RFTN1: variants seen among roughly 807,000 people sequenced by gnomAD.
The protein encoded by RFTN1 is raftlin, lipid raft linker 1.
A neutral mutation model predicts 46.5 loss-of-function variants in RFTN1; 26 were observed. The ratio of observed to expected loss-of-function variants is 0.56; its 90% CI spans 0.41 to 0.78. RFTN1 has a LOEUF of 0.78. Ranked by LOEUF, RFTN1 falls within the 30% of genes least tolerant of loss-of-function variation. The pLI, the probability that RFTN1 is intolerant of heterozygous loss-of-function variation, is 0.00. For synonymous variants in RFTN1, 261 were observed against 284.2 expected, an observed-to-expected ratio of 0.92 and a Z score of 0.82; for missense variants, 693 against 718.7, an observed-to-expected ratio of 0.96 and a Z score of 0.41.
rs1317410853 is a variant in RFTN1, at chr3:16,500,136, TA to T, written c.-8-6260del. 6.6e-6 allele frequency among the ~76,000 whole-genome samples: 1 copy of T among 152,192 alleles called. No homozygotes were observed. The highest frequency in any genetic ancestry group is 1.5e-5 in the Non-Finnish European group (1 of 68,042). ...GCTTGTTTTTGTAAAAAACACATGC[TA>T]AAAGTCACCTGTGTCTAGTGAGACT... On this transcript the variant is annotated intron_variant, in intron 1 of 9. Transcript: ENST00000334133. This position sits in a 1 kb window ranked among gnomAD's most constrained non-coding sequence, Gnocchi z 5.9.
chr3:16,441,299 T>TAAAAAAAAAAAAAAAAAAAAAGAAAAAA (rs2075619391), intron 2 of RFTN1, among the ~76,000 whole-genome samples: 1 of 47,554 alleles, frequency 2.1e-5, no homozygotes, highest in Admixed American at 2.1e-4. Flanking sequence ...TTCCAAGAAC[T>TAAAAAAAAAAAAAAAAAAAAAGAAAAAA]AAAAAAAAAA....
chr3:16,352,283 C>T lies in RFTN1; in HGVS notation c.1146+5649G>A, dbSNP rs1172949868. Among the ~76,000 whole-genome samples, 1 of 152,166 alleles carries T rather than the reference C, an allele frequency of 6.6e-6. No homozygotes were observed. Among genetic ancestry groups the T allele is most frequent in the African/African-American group, 2.4e-5 (1 of 41,426 alleles). On this transcript the variant is annotated intron_variant, in intron 7 of 9. Coordinates refer to ENST00000334133, the MANE Select transcript of RFTN1 (RefSeq NM_015150.2). The surrounding 1 kb of genome is among the most constrained non-coding windows in gnomAD (Gnocchi z 4.6). The stretch of plus-strand genomic sequence containing the variant: ...GATAAACATGGAAAAGGCTCTATGG[C>T]TCAGGTAGCACCTGGTGGTGTCTAT...
At chr3:16,331,275 C>T (rs2070281789) in intron 7 of RFTN1, among the ~76,000 whole-genome samples, 1 of 152,222 alleles carries the variant, frequency 6.6e-6, no homozygotes. Flanking sequence ...TGTGCTTATA[C>T]TACTCTTATT....
rs11425499 is a variant in RFTN1, at chr3:16,344,330, GTTT to G, written c.1146+13599_1146+13601del. On this transcript the variant is annotated intron_variant, in intron 7 of 9. Coordinates refer to ENST00000334133, the MANE Select transcript of RFTN1 (RefSeq NM_015150.2). This position sits in a 1 kb window ranked among gnomAD's most constrained non-coding sequence, Gnocchi z 4.4. Reference sequence around the variant, plus strand: ...GTGGATTAGATCAGTAATTTTCAAGGTTTTTTTTTTTTAATTAGTAGGATGCTT... The same window carrying G: ...GTGGATTAGATCAGTAATTTTCAAGGTTTTTTTTTAATTAGTAGGATGCTT... 6.8e-6 allele frequency among the ~76,000 whole-genome samples: 1 copy of G among 147,370 alleles called. No homozygotes were observed. Among genetic ancestry groups the G allele is most frequent in the Non-Finnish European group, 1.5e-5 (1 of 66,572 alleles).
At position 16,429,143 on chromosome 3, in the gene RFTN1, G is replaced by C. The variant is rs563224810; in HGVS notation, c.332+4708C>G. Among the ~76,000 whole-genome samples the C allele has an allele frequency of 6.7e-5, 10 of 149,920 alleles. No individual in the cohort carries two copies. Among genetic ancestry groups the C allele is most frequent in the African/African-American group, 2.4e-4 (10 of 41,264 alleles). On this transcript the variant is annotated intron_variant, in intron 3 of 9. Transcript: ENST00000334133. The surrounding 1 kb of genome is among the most constrained non-coding windows in gnomAD (Gnocchi z 6.4). ...TAGAATTAAGAACAGTTTACAGTTA[G>C]ATGTGTGGCTAGGCCTGCCATGGTA...
intron 6 of RFTN1, among the ~76,000 whole-genome samples, chr3:16,366,871 A>G (rs796429323): frequency 9.0e-6 from 1 of 110,780 alleles, no homozygotes. Flanking sequence ...CCACGGGCAG[A>G]GCCTCCCCCA....
In RFTN1 at chr3:16,410,123, C is replaced by T. The variant is rs1302967811; in HGVS notation, c.333-640G>A. Among the ~76,000 whole-genome samples, 3 of 151,500 alleles carry T rather than the reference C, an allele frequency of 2.0e-5. No individual in the cohort carries two copies. Among genetic ancestry groups the T allele is most frequent in the Non-Finnish European group, 4.4e-5 (3 of 67,940 alleles). ...ACTACTCAAGTAATATATACATATC[C>T]ACATCATAGTAAGACCTCTAAGATG... On this transcript the variant is annotated intron_variant, in intron 3 of 9. Transcript: ENST00000334133. The surrounding 1 kb of genome is among the most constrained non-coding windows in gnomAD (Gnocchi z 4.6).
chr3:16,353,043 G>A lies in RFTN1; in HGVS notation c.1146+4889C>T, dbSNP rs1197691978. 1.3e-5 allele frequency among the ~76,000 whole-genome samples: 2 copies of A among 152,176 alleles called. No homozygotes were observed. Among genetic ancestry groups the A allele is most frequent in the African/African-American group, 4.8e-5 (2 of 41,444 alleles). On this transcript the variant is annotated intron_variant, in intron 7 of 9. Transcript: ENST00000334133. The surrounding 1 kb of genome is among the most constrained non-coding windows in gnomAD (Gnocchi z 5.4). Reference sequence around the variant, plus strand: ...ACAGAGCTGAGGGATCAGCACAGGAGGAGGAAAGAGGCAGGAAAGGGACAG... The same window carrying A: ...ACAGAGCTGAGGGATCAGCACAGGAAGAGGAAAGAGGCAGGAAAGGGACAG...
intron 6 of RFTN1, among the ~76,000 whole-genome samples, chr3:16,364,849 T>G (rs1442067371): frequency 6.6e-6 from 1 of 152,178 alleles, no homozygotes; most frequent in Non-Finnish European, 1.5e-5. Context: ...GTGTTTCAAG[T>G]AGGGACTGTG....
In RFTN1 at chr3:16,450,881, C is replaced by A. The variant is rs1346609272; in HGVS notation, c.146-16844G>T. Among the ~76,000 whole-genome samples, 1 of 151,958 alleles carries A rather than the reference C, an allele frequency of 6.6e-6. No homozygotes were observed. The highest frequency in any genetic ancestry group is 2.4e-5 in the African/African-American group (1 of 41,324). ...CTCCTAGGTCTCTGGTTTGCATGGA[C>A]CTGAACAGATAGTGGTGACTTTCAC... On this transcript the variant is annotated intron_variant, in intron 2 of 9. Transcript: ENST00000334133. This position sits in a 1 kb window ranked among gnomAD's most constrained non-coding sequence, Gnocchi z 4.6.
chr3:16,478,151 A>T (rs1051557409), intron 2 of RFTN1, among the ~76,000 whole-genome samples: 1 of 152,186 alleles, frequency 6.6e-6, no homozygotes, highest in African/African-American at 2.4e-5. Context: ...AATTGTCCCC[A>T]ACCAAACAGG....
Position 16,316,507 on chromosome 3 carries a change from G to C in RFTN1, c.*321C>G, listed in dbSNP as rs2068411125. 1.9e-5 allele frequency: 7 copies of C among 374,086 alleles called. No homozygotes were observed. Among genetic ancestry groups the C allele is most frequent in the South Asian group, 1.6e-4 (6 of 37,054 alleles). 23.2% of individuals were successfully genotyped at this position (374,086 alleles called of 1,614,324 possible). ...TGCTCCCTGGAGGCCCTGTGGCGAG[G>C]ACAGGCACTGGATGGTCCAGACCCT... On this transcript the variant is annotated 3_prime_UTR_variant, in exon 10 of 10. Transcript: ENST00000334133. This position sits in a 1 kb window ranked among gnomAD's most constrained non-coding sequence, Gnocchi z 4.5.
intron 1 of RFTN1, among the ~76,000 whole-genome samples, chr3:16,510,350 G>T (rs2076876645): frequency 6.6e-6 from 1 of 152,196 alleles, no homozygotes; most frequent in Non-Finnish European, 1.5e-5. Context: ...ATTCTGTGGG[G>T]CTTGGGGTTA....
intron 2 of RFTN1, chr3:16,482,832 G>C: frequency 6.5e-7 from 1 of 1,536,004 alleles, no homozygotes; most frequent in Non-Finnish European, 8.7e-7. Flanking sequence ...GGGCAGAACA[G>C]CCTTTCTGCC....
intron 3 of RFTN1, among the ~76,000 whole-genome samples, chr3:16,417,614 A>T (rs2075107948): frequency 6.6e-6 from 1 of 152,072 alleles, no homozygotes; most frequent in Non-Finnish European, 1.5e-5. Context: ...GGAGATCTTC[A>T]CTCACCACCA....
intron 2 of RFTN1, among the ~76,000 whole-genome samples, chr3:16,464,126 C>G (rs2076051113): frequency 6.6e-6 from 1 of 152,202 alleles, no homozygotes; most frequent in Non-Finnish European, 1.5e-5. Context: ...CAGAATTTAG[C>G]AACTGTCTTG....
intron 2 of RFTN1, among the ~76,000 whole-genome samples, chr3:16,485,692 G>T (rs1416683033): frequency 6.6e-6 from 1 of 152,242 alleles, no homozygotes; most frequent in African/African-American, 2.4e-5. Flanking sequence ...CTTGAGTGTG[G>T]TGATAGTTCT....
At chr3:16,394,641 G>A (rs1375895998) in intron 4 of RFTN1, among the ~76,000 whole-genome samples, 3 of 152,112 alleles carry the variant, frequency 2.0e-5, no homozygotes, top group Admixed American at 1.3e-4. Context: ...TGGTTACTCA[G>A]GTGTGTTCAT....
Position 16,421,618 on chromosome 3 carries a change from G to C in RFTN1, c.333-12135C>G, listed in dbSNP as rs555278792. On this transcript the variant is annotated intron_variant, in intron 3 of 9. Transcript: ENST00000334133. This position sits in a 1 kb window ranked among gnomAD's most constrained non-coding sequence, Gnocchi z 4.6. ...GCCCGCCTCGGCCTCCCAAAGTGCT[G>C]GGATTACAGGTGTGAGCCACCACGC... is the stretch of plus-strand genomic sequence containing the variant. Among the ~76,000 whole-genome samples, 2 of 152,244 alleles carry C rather than the reference G, an allele frequency of 1.3e-5. No homozygotes were observed. The highest frequency in any genetic ancestry group is 4.1e-4 in the South Asian group (2 of 4,826).
Sources: allele counts gnomAD v4.1 joint callset (sites outside exome capture counted in the v4.1 genomes callset), GRCh38; gene constraint gnomAD v4.1.1; non-coding constraint Gnocchi (gnomAD v3.1); transcripts MANE v1.5; gene names NCBI Gene and HGNC (gene_info 2026-07-23, HGNC 2026-07-21).